Variants in NDUFAF6 observed in about 807,000 individuals in gnomAD.
NDUFAF6 encodes NADH dehydrogenase (ubiquinone) complex I, assembly factor 6.
NDUFAF6 carries 45 observed loss-of-function variants against 40.8 expected under a neutral mutation model. The observed-to-expected ratio is 1.10, with a 90% CI of 0.87 to 1.42. The LOEUF (loss-of-function observed/expected upper bound fraction) is 1.42, where lower values mean the gene tolerates loss of function less well. Among genes scored for constraint, NDUFAF6 ranks in the 40% most tolerant of loss-of-function variants. NDUFAF6 has a pLI of 0.00. For missense variants in NDUFAF6, 435 were observed against 418.5 expected (o/e 1.04, Z -0.34); for synonymous variants, 185 against 155.9 (o/e 1.19, Z -1.39).
chr8:95,074,517 A>T (rs555590298), intron 9 of NDUFAF6, among the ~76,000 whole-genome samples: 1 of 113,694 alleles, frequency 8.8e-6, no homozygotes, highest in Non-Finnish European at 1.9e-5. Context: ...ATGACTTTCC[A>T]TCTCCTCCAA....
intron 2 of NDUFAF6, among the ~76,000 whole-genome samples, chr8:94,989,936 C>T (rs921068570): frequency 2.6e-5 from 4 of 152,174 alleles, no homozygotes; most frequent in Admixed American, 2.6e-4. Context: ...CACTGTGTTG[C>T]CCAGGCTGGT....
downstream of NDUFAF6, among the ~76,000 whole-genome samples, chr8:95,079,955 G>A (rs535116462): frequency 3.1e-5 from 4 of 129,668 alleles, no homozygotes; most frequent in South Asian, 8.7e-4. Context: ...TTTTTGTAGT[G>A]TATTTTTTGT....
rs149788106 is a variant in NDUFAF6, at chr8:94,907,779, T to C, written c.-936+11852T>C. 6.2e-3 allele frequency among the ~76,000 whole-genome samples: 936 copies of C among 150,498 alleles called. 9 individuals are homozygous for C. Among genetic ancestry groups the C allele is most frequent in the African/African-American group, 0.022 (890 of 41,126 alleles). On this transcript the variant is annotated intron_variant, in intron 1 of 14. Transcript: ENST00000396113. ...CTTTTCTTTGCCTGTATCTTCCATATGTAATTAGTAATAGTCTGGCTGATT... is the reference window on the plus strand; with the variant it reads ...CTTTTCTTTGCCTGTATCTTCCATACGTAATTAGTAATAGTCTGGCTGATT...
intron 1 of NDUFAF6, among the ~76,000 whole-genome samples, chr8:94,897,424 AAAG>A (rs1208821033): frequency 1.3e-5 from 2 of 152,212 alleles, no homozygotes; most frequent in Non-Finnish European, 2.9e-5. Context: ...TCTGTTAAAA[AAAG>A]AGAAAATAAA....
chr8:94,906,430 C>G (rs578112247), intron 1 of NDUFAF6, among the ~76,000 whole-genome samples: 1 of 152,308 alleles, frequency 6.6e-6, no homozygotes, highest in Non-Finnish European at 1.5e-5. Flanking sequence ...GTATAAGAAC[C>G]TAACCCACCA....
chr8:95,118,490 T>G (rs1810180427), downstream of NDUFAF6, among the ~76,000 whole-genome samples: 2 of 152,168 alleles, frequency 1.3e-5, no homozygotes, highest in Non-Finnish European at 2.9e-5. Flanking sequence ...TTTTATGTGT[T>G]AAGCCATTGA....
chr8:94,983,256 C>CTTTTT (rs1173077785), intron 2 of NDUFAF6, among the ~76,000 whole-genome samples: 8 of 83,186 alleles, frequency 9.6e-5, no homozygotes, highest in South Asian at 3.7e-4. Context: ...CTTTGCTATT[C>CTTTTT]TTTTTTTTTT....
chr8:94,985,473 A>ATG (rs1825743948), intron 2 of NDUFAF6, among the ~76,000 whole-genome samples: 1 of 1,230 alleles, frequency 8.1e-4, no homozygotes, highest in Non-Finnish European at 1.8e-3. Flanking sequence ...ATAATTATAT[A>ATG]TATATATATA....
chr8:95,108,209 T>G (rs1809898766), downstream of NDUFAF6, among the ~76,000 whole-genome samples: 1 of 152,140 alleles, frequency 6.6e-6, no homozygotes, highest in Admixed American at 6.6e-5. Context: ...TAATTCCACT[T>G]CTGGGTATGT....
At chr8:95,117,375 T>C (rs539878361), downstream of NDUFAF6, among the ~76,000 whole-genome samples, 109 of 152,282 alleles carry the variant, frequency 7.2e-4, no homozygotes, top group African/African-American at 2.6e-3. Flanking sequence ...TGAAAGACTT[T>C]AGTCAGCGAT....
chr8:95,099,563 T>C (rs1294436692), upstream of NDUFAF6, among the ~76,000 whole-genome samples: 1 of 149,744 alleles, frequency 6.7e-6, no homozygotes, highest in Non-Finnish European at 1.5e-5. Flanking sequence ...CTGGGCAACA[T>C]AGCAAGAGCC....
intron 8 of NDUFAF6, among the ~76,000 whole-genome samples, chr8:95,056,514 C>T (rs1045215475): frequency 8.5e-5 from 13 of 152,068 alleles, no homozygotes; most frequent in African/African-American, 2.9e-4. Context: ...CGCGTGGTCT[C>T]TGGATTGTTT....
At chr8:95,077,494 A>G (rs1808669749), downstream of NDUFAF6, among the ~76,000 whole-genome samples, 1 of 152,220 alleles carries the variant, frequency 6.6e-6, no homozygotes, top group Non-Finnish European at 1.5e-5. Context: ...TGCTGGACGA[A>G]AGGATGATTC....
At chr8:95,039,325 C>T (rs900827076) in intron 3 of NDUFAF6, among the ~76,000 whole-genome samples, 3 of 151,792 alleles carry the variant, frequency 2.0e-5, no homozygotes, top group African/African-American at 7.3e-5. Flanking sequence ...TAGTGGTGTG[C>T]GCCTGTAGTC....
intron 1 of NDUFAF6, among the ~76,000 whole-genome samples, chr8:94,935,853 G>T (rs1820926898): frequency 6.6e-6 from 1 of 152,210 alleles, no homozygotes; most frequent in Admixed American, 6.5e-5. Context: ...GAATGGATAT[G>T]TCTGGCTGGA....
upstream of NDUFAF6, among the ~76,000 whole-genome samples, chr8:94,957,664 T>G (rs1016818687): frequency 1.3e-5 from 2 of 152,182 alleles, no homozygotes; most frequent in Admixed American, 6.5e-5. Flanking sequence ...ACACATACCC[T>G]GAGAATGACC....
chr8:94,948,831 G>A (rs1458111060), intron 2 of NDUFAF6, among the ~76,000 whole-genome samples: 2 of 152,078 alleles, frequency 1.3e-5, no homozygotes, highest in Non-Finnish European at 2.9e-5. Context: ...GCCACGCTCG[G>A]GGGAGGAGGC....
chr8:94,989,961 C>T (rs1826122475), intron 2 of NDUFAF6, among the ~76,000 whole-genome samples: 1 of 152,190 alleles, frequency 6.6e-6, no homozygotes, highest in Non-Finnish European at 1.5e-5. Context: ...AACTGCTAGG[C>T]TCATGCAATC....
At chr8:95,100,895 C>A (rs1008739537) in intron 1 of NDUFAF6, among the ~76,000 whole-genome samples, 2 of 152,150 alleles carry the variant, frequency 1.3e-5, no homozygotes, top group Admixed American at 1.3e-4. Flanking sequence ...CCTCCCGACC[C>A]CCCTCGCCCC....
Sources: allele counts gnomAD v4.1 joint callset (sites outside exome capture counted in the v4.1 genomes callset), GRCh38; gene constraint gnomAD v4.1.1; transcripts MANE v1.5; gene names NCBI Gene and HGNC (gene_info 2026-07-23, HGNC 2026-07-21).